VPS33B: variants seen among roughly 807,000 people sequenced by gnomAD.
VPS33B encodes the protein VPS33B late endosome and lysosome associated, also known as vacuolar protein sorting-associated protein 33B.
Under a neutral mutation model 95.3 loss-of-function variants are expected in VPS33B, and 80 were observed. The ratio of observed to expected loss-of-function variants is 0.84; its 90% CI spans 0.70 to 1.01. The LOEUF (loss-of-function observed/expected upper bound fraction) is 1.01. VPS33B is among the 50% of genes least tolerant of loss of function. The pLI is 0.00. For synonymous variants in VPS33B, 280 were observed against 280.4 expected, an observed-to-expected ratio of 1.00 and a Z score of 0.01; for missense variants, 715 against 773.4, an observed-to-expected ratio of 0.92 and a Z score of 0.90.
chr15:91,022,360 TCCAG>T lies in VPS33B; in HGVS notation c.-115_-112del. On this transcript the variant is annotated 5_prime_UTR_variant, in exon 1 of 23. Coordinates refer to ENST00000333371, the MANE Select transcript of VPS33B (RefSeq NM_018668.5). ...TATCCTTCAGGCCTGGGCACCGACT[TCCAG>T]AGACCCCAGATGGGCCCTCGCTCCT... 9.1e-7 allele frequency: 1 copy of T among 1,098,394 alleles called. No homozygotes were observed. The highest frequency in any genetic ancestry group is 1.3e-6 in the Non-Finnish European group (1 of 780,374). The allele number at this position is 1,098,394 out of a possible 1,614,324, so 68.0% of individuals were successfully genotyped here. A position where few individuals can be genotyped will look rare whatever the true frequency, so the allele number is the denominator to read the frequency against.
Position 91,022,288 on chromosome 15 carries a change from TTCGTTCTG to T in VPS33B, c.-47_-40del. The T allele has an allele frequency of 6.6e-7, 1 of 1,520,226 alleles. No homozygotes were observed. Among genetic ancestry groups the T allele is most frequent in the Non-Finnish European group, 8.9e-7 (1 of 1,125,992 alleles). The allele number at this position is 1,520,226 out of a possible 1,614,324, so 94.2% of individuals were successfully genotyped here. ...TGCGCCGCGGGGTGGAAGGACGCCCTTCGTTCTGAGAAGGCCGGCCGCAGCCCAGGGAA... is the reference window on the plus strand; with the variant it reads ...TGCGCCGCGGGGTGGAAGGACGCCCTAGAAGGCCGGCCGCAGCCCAGGGAA... On this transcript the variant is annotated 5_prime_UTR_variant, in exon 1 of 23. Coordinates refer to ENST00000333371, the MANE Select transcript of VPS33B (RefSeq NM_018668.5).
At position 91,006,269 on chromosome 15, in the gene VPS33B, C is replaced by G. The variant is rs1031410582; in HGVS notation, c.852+103G>C. On this transcript the variant is annotated intron_variant, in intron 11 of 22. Coordinates refer to ENST00000333371, the MANE Select transcript of VPS33B (RefSeq NM_018668.5). The surrounding 1 kb of genome is among the most constrained non-coding windows in gnomAD (Gnocchi z 5.4). ...CCCTCTCTCCCATAGACTCAGCCTC[C>G]CCTCTCAGAGCTGGGGCCCACAGCC... is the stretch of plus-strand genomic sequence containing the variant. The G allele has an allele frequency of 1.3e-6, 2 of 1,531,240 alleles. No homozygotes were observed. The highest frequency in any genetic ancestry group is 2.7e-5 in the African/African-American group (2 of 73,386). The allele number at this position is 1,531,240 out of a possible 1,614,324, so 94.9% of individuals were successfully genotyped here. A position where few individuals can be genotyped will look rare whatever the true frequency, so the allele number is the denominator to read the frequency against.
rs536619731 is a variant in VPS33B at position 91,007,376 on chromosome 15, C to T, written c.603+93G>A. Reference sequence around the variant, plus strand: ...CAATGAAAGCAAAGTAAAGAATACACCTCATATCACAGGTGCCCTTGGATA... The same window carrying T: ...CAATGAAAGCAAAGTAAAGAATACATCTCATATCACAGGTGCCCTTGGATA... On this transcript the variant is annotated intron_variant, in intron 8 of 22. Coordinates refer to ENST00000333371, the MANE Select transcript of VPS33B (RefSeq NM_018668.5). The surrounding 1 kb of genome is among the most constrained non-coding windows in gnomAD (Gnocchi z 5.3). 1.2e-4 allele frequency: 146 copies of T among 1,190,430 alleles called. 1 individual carries two copies. The African/African-American group carries it at 1.5e-3, about 12-fold the overall frequency. The allele number at this position is 1,190,430 out of a possible 1,614,324, so 73.7% of individuals were successfully genotyped here.
At position 91,009,116 on chromosome 15, in the gene VPS33B, C is replaced by T. The variant is rs1029022519; in HGVS notation, c.403+685G>A. 6.6e-6 allele frequency among the ~76,000 whole-genome samples: 1 copy of T among 152,118 alleles called. No homozygotes were observed. The highest frequency in any genetic ancestry group is 1.5e-5 in the Non-Finnish European group (1 of 68,026). On this transcript the variant is annotated intron_variant, in intron 6 of 22. Coordinates refer to ENST00000333371, the MANE Select transcript of VPS33B (RefSeq NM_018668.5). This position sits in a 1 kb window ranked among gnomAD's most constrained non-coding sequence, Gnocchi z 4.1. ...TTGTGTGGAGAATAGCGGAGGAATA[C>T]ACAGAGGGGAGGCCCAGTTTTTCCT...
chr15:91,004,759 T>C (rs1462210535), intron 16 of VPS33B, 118 bp downstream of exon 16: 1 of 1,230,186 alleles, frequency 8.1e-7, no homozygotes, highest in Admixed American at 1.8e-5. Flanking sequence ...ATCCATTAAA[T>C]TACAGGGAAA....
At position 91,000,014 on chromosome 15, in the gene VPS33B, G is replaced by A. The variant is rs1453180365; in HGVS notation, c.1582-39C>T. On this transcript the variant is annotated intron_variant, in intron 20 of 22. Transcript: ENST00000333371. The surrounding 1 kb of genome is among the most constrained non-coding windows in gnomAD (Gnocchi z 4.9). The stretch of plus-strand genomic sequence containing the variant: ...AGCACTGTTTTTAAGGCTACAGACA[G>A]TATCAGGCTTAGGAAAGGAAGGGCA... 2 of 1,612,026 alleles carry A rather than the reference G, an allele frequency of 1.2e-6. No individual in the cohort carries two copies. The highest frequency in any genetic ancestry group is 1.3e-5 in the African/African-American group (1 of 74,912).
At chr15:91,001,272 T>G in intron 19 of VPS33B, 117 bp downstream of exon 19, 1 of 741,724 alleles carries the variant, frequency 1.3e-6, no homozygotes, top group Non-Finnish European at 2.2e-6. Flanking sequence ...ATTGTGCCAC[T>G]GCACTCCAGC....
Position 91,015,218 on chromosome 15 carries a change from C to T in VPS33B, c.240-785G>A, listed in dbSNP as rs958326593. Among the ~76,000 whole-genome samples, 1 of 152,012 alleles carries T rather than the reference C, an allele frequency of 6.6e-6. No individual in the cohort carries two copies. The highest frequency in any genetic ancestry group is 2.4e-5 in the African/African-American group (1 of 41,366). Reference sequence around the variant, plus strand: ...GGGCATGGTGGCGCATGTCTGTAATCCCAGCTACGCAGGAGGCTGAGGCAG... The same window carrying T: ...GGGCATGGTGGCGCATGTCTGTAATTCCAGCTACGCAGGAGGCTGAGGCAG... On this transcript the variant is annotated intron_variant, in intron 3 of 22. Transcript: ENST00000333371. This position sits in a 1 kb window ranked among gnomAD's most constrained non-coding sequence, Gnocchi z 4.7.
chr15:91,007,901 T>C lies in VPS33B; in HGVS notation c.467A>G (p.Glu156Gly). Reference sequence around the variant, plus strand: ...GTAATCCCTGAAAAATTCTGGTAGTTCCATGCTCAGCAGATCCACATCAAG... The same window carrying C: ...GTAATCCCTGAAAAATTCTGGTAGTCCCATGCTCAGCAGATCCACATCAAG... ...LPLDVDLLSM[E>G]LPEFFRDYFL... is the part of the protein sequence containing the mutation. Residue 156 changes from glutamate to glycine, a missense_variant, in exon 7 of 23, where the codon GAA becomes GGA. By Grantham distance (98) the Glu-to-Gly change is moderately conservative. Coordinates refer to ENST00000333371, the MANE Select transcript of VPS33B (RefSeq NM_018668.5). This position sits in a 1 kb window ranked among gnomAD's most constrained non-coding sequence, Gnocchi z 5.3. 1 of 1,614,228 alleles carries C rather than the reference T, an allele frequency of 6.2e-7. No homozygotes were observed. Among genetic ancestry groups the C allele is most frequent in the South Asian group, 1.1e-5 (1 of 91,082 alleles).
chr15:91,008,191 A>G (rs1399242079), intron 6 of VPS33B, among the ~76,000 whole-genome samples: 1 of 152,226 alleles, frequency 6.6e-6, no homozygotes, highest in Non-Finnish European at 1.5e-5. Context: ...GCAGCCTGTA[A>G]TACAATGTGA....
intron 19 of VPS33B, chr15:91,001,035 G>C (rs1191488174): frequency 1.9e-5 from 7 of 359,620 alleles, no homozygotes; most frequent in Non-Finnish European, 3.7e-5. Context: ...TCCACAATGG[G>C]CTGGGCGCAG....
chr15:91,001,783 C>T (rs955698588), intron 18 of VPS33B, among the ~76,000 whole-genome samples: 2 of 152,142 alleles, frequency 1.3e-5, no homozygotes, highest in African/African-American at 4.8e-5. Context: ...TTCTCTAAGC[C>T]TCAGTTTCAT....
At position 90,999,428 on chromosome 15, in the gene VPS33B, C is replaced by T; in HGVS notation, c.1774+249G>A. On this transcript the variant is annotated intron_variant, in intron 22 of 22. Transcript: ENST00000333371. The surrounding 1 kb of genome is among the most constrained non-coding windows in gnomAD (Gnocchi z 5.1). ...CCACCTCCCGGGTTCAAGCAATTCT[C>T]CTGCCTCAGCCTCCCGAGTAGTTAG... The T allele has an allele frequency of 1.9e-6, 1 of 523,208 alleles. No individual in the cohort carries two copies. Among genetic ancestry groups the T allele is most frequent in the Non-Finnish European group, 3.5e-6 (1 of 287,126 alleles). The allele number at this position is 523,208 out of a possible 1,614,324, so 32.4% of individuals were successfully genotyped here.
intron 6 of VPS33B, among the ~76,000 whole-genome samples, chr15:91,008,360 G>A (rs1567224094): frequency 6.6e-6 from 1 of 152,184 alleles, no homozygotes; most frequent in East Asian, 1.9e-4. Flanking sequence ...CGCCTCCTGG[G>A]TTCAAGCAAT....
chr15:91,000,286 A>G lies in VPS33B; in HGVS notation c.1581+204T>C, dbSNP rs1458146640. Reference sequence around the variant, plus strand: ...GTGGCACATGCCTGTAGTCCCAGCTACTTCGGAAGCTGAGGCAGGAGAATC... The same window carrying G: ...GTGGCACATGCCTGTAGTCCCAGCTGCTTCGGAAGCTGAGGCAGGAGAATC... On this transcript the variant is annotated intron_variant, in intron 20 of 22. Transcript: ENST00000333371. The surrounding 1 kb of genome is among the most constrained non-coding windows in gnomAD (Gnocchi z 4.9). Among the ~76,000 whole-genome samples, 3 of 152,192 alleles carry G rather than the reference A, an allele frequency of 2.0e-5. No individual in the cohort carries two copies. Among genetic ancestry groups the G allele is most frequent in the Non-Finnish European group, 4.4e-5 (3 of 68,030 alleles).
rs2151663219 is a variant in VPS33B, at chr15:91,000,453, TG to T, written c.1581+36del. The T allele has an allele frequency of 1.3e-6, 2 of 1,569,592 alleles. No homozygotes were observed. The highest frequency in any genetic ancestry group is 4.5e-5 in the East Asian group (2 of 43,984). ...AGGGACCAAGAGAAAGCAGAGAGAATGAAATATGAATGGGAGCAAGAATTAC... is the reference window on the plus strand; with the variant it reads ...AGGGACCAAGAGAAAGCAGAGAGAATAAATATGAATGGGAGCAAGAATTAC... On this transcript the variant is annotated intron_variant, in intron 20 of 22. Coordinates refer to ENST00000333371, the MANE Select transcript of VPS33B (RefSeq NM_018668.5). The surrounding 1 kb of genome is among the most constrained non-coding windows in gnomAD (Gnocchi z 4.9).
At chr15:91,022,600 T>C (rs2041144563), upstream of VPS33B, 3 of 184,006 alleles carry the variant, frequency 1.6e-5, no homozygotes, top group East Asian at 3.7e-4. Context: ...ACTTCCTAGA[T>C]CTCCCGGAAG....
In VPS33B at chr15:91,017,860, A is replaced by G. The variant is rs757313661; in HGVS notation, c.122T>C (p.Ile41Thr). Reference protein sequence around the residue: ...EQLPGKKDLFIEADLMSPLDR... With the variant: ...EQLPGKKDLFTEADLMSPLDR... ...CAAAGGGCTCATGAGATCTGCCTCA[A>G]TGAATAAATCCTTTTTTCCAGGAAG... is the stretch of plus-strand genomic sequence containing the variant. The change falls in exon 2 of 23, where the codon ATT becomes ACT. Residue 41 changes from isoleucine (I) to threonine (T), a missense_variant. Transcript: ENST00000333371. The G allele has an allele frequency of 7.6e-5, 122 of 1,614,034 alleles. No individual in the cohort carries two copies. The highest frequency in any genetic ancestry group is 1.0e-4 in the Non-Finnish European group (118 of 1,180,004).
rs768203277 is a variant in VPS33B at position 91,006,445 on chromosome 15, C to T, written c.779G>A (p.Gly260Glu). The change falls in exon 11 of 23, where the codon GGG becomes GAG. Residue 260 changes from glycine (G) to glutamate (E), a missense_variant and splice_region_variant. Physicochemically the swap from Gly to Glu is moderately conservative, Grantham distance 98. Coordinates refer to ENST00000333371, the MANE Select transcript of VPS33B (RefSeq NM_018668.5). The surrounding 1 kb of genome is among the most constrained non-coding windows in gnomAD (Gnocchi z 5.4). ...LVDDTFRIKC[G>E]SVDFGPEVTS... Reference sequence around the variant, plus strand: ...GACTTCTGGGCCAAAGTCGACACTCCCTTTGAGAGCAGAGGGACAGCTATT... The same window carrying T: ...GACTTCTGGGCCAAAGTCGACACTCTCTTTGAGAGCAGAGGGACAGCTATT... The T allele has an allele frequency of 1.2e-6, 2 of 1,614,194 alleles. No homozygotes were observed. Among genetic ancestry groups the T allele is most frequent in the Non-Finnish European group, 8.5e-7 (1 of 1,180,056 alleles).
Sources: allele counts gnomAD v4.1 joint callset (sites outside exome capture counted in the v4.1 genomes callset), GRCh38; gene constraint gnomAD v4.1.1; non-coding constraint Gnocchi (gnomAD v3.1); transcripts MANE v1.5; gene names NCBI Gene and HGNC (gene_info 2026-07-23, HGNC 2026-07-21).